The following PDS5A variants were observed in gnomAD, a reference collection of about 807,000 sequenced individuals.
PDS5A encodes PDS5 cohesin associated factor A, also known as sister chromatid cohesion protein PDS5 homolog A.
A neutral mutation model predicts 167.1 loss-of-function variants in PDS5A; 42 were observed. The observed-to-expected ratio is 0.25, with a 90% CI of 0.20 to 0.33. The LOEUF (loss-of-function observed/expected upper bound fraction) is 0.33. PDS5A is among the 10% of genes least tolerant of loss of function. The pLI is 1.00. For synonymous variants in PDS5A, 553 were observed against 554.6 expected (o/e 1.00, Z 0.04); for missense variants, 1,033 against 1,605.9 (o/e 0.64, Z 6.10).
At position 39,845,868 on chromosome 4, in the gene PDS5A, C is replaced by A; in HGVS notation, c.3352G>T (p.Asp1118Tyr). 3 of 1,364,428 alleles carry A rather than the reference C, an allele frequency of 2.2e-6. No individual in the cohort carries two copies. The highest frequency in any genetic ancestry group is 1.7e-5 in the South Asian group (1 of 59,064). The allele number at this position is 1,364,428 out of a possible 1,614,324, so 84.5% of individuals were successfully genotyped here. Residue 1118 changes from aspartate (D) to tyrosine (Y), a missense_variant, in exon 29 of 33, where the codon GAT becomes TAT. By Grantham distance (160) the Asp-to-Tyr change is radical (BLOSUM62 -3). Transcript: ENST00000303538. The part of the protein sequence containing the change: ...FTQPEKDFCN[D>Y]KSYISEETRV... ...GTCTCTTCTGAAATATAACTCTTAT[C>A]GTTACAGAAGTCCTATTAAAAAAAA...
At position 39,823,270 on chromosome 4, in the gene PDS5A, T is replaced by G. The variant is rs1433520205; in HGVS notation, c.*2215A>C. Reference sequence around the variant, plus strand: ...AAGTCCCTCCCCATCAGCTTGGTCTTTCCACAACCCTACTCTTGCTTCCCT... The same window carrying G: ...AAGTCCCTCCCCATCAGCTTGGTCTGTCCACAACCCTACTCTTGCTTCCCT... On this transcript the variant is annotated 3_prime_UTR_variant, in exon 33 of 33. Coordinates refer to ENST00000303538, the MANE Select transcript of PDS5A (RefSeq NM_001100399.2). 2 of 152,236 alleles carry G rather than the reference T, an allele frequency of 1.3e-5. No homozygotes were observed. The highest frequency in any genetic ancestry group is 4.8e-5 in the African/African-American group (2 of 41,448). 9.4% of individuals were successfully genotyped at this position (152,236 alleles called of 1,614,324 possible).
rs980738035 is a variant in PDS5A, at chr4:39,823,426, A to AT, written c.*2058dup. On this transcript the variant is annotated 3_prime_UTR_variant, in exon 33 of 33. Transcript: ENST00000303538. The stretch of plus-strand genomic sequence containing the variant: ...ATATTGATGCAGATGGTTCTGCTAC[A>AT]TTTTATTTAATATGATGTAACACTT... 21 of 152,490 alleles carry AT rather than the reference A, an allele frequency of 1.4e-4. 1 individual carries two copies. The highest frequency in any genetic ancestry group is 1.0e-3 in the Admixed American group (16 of 15,252). The allele number at this position is 152,490 out of a possible 1,614,324, so 9.4% of individuals were successfully genotyped here.
intron 16 of PDS5A, among the ~76,000 whole-genome samples, chr4:39,894,495 A>T (rs58072301): frequency 0.025 from 3,826 of 152,234 alleles, 154 homozygotes; most frequent in East Asian, 0.18. Context: ...GCACATCCAC[A>T]TTCATAGCCC....
chr4:39,959,662 A>ATTT (rs1729294435), intron 2 of PDS5A, among the ~76,000 whole-genome samples: 1 of 152,128 alleles, frequency 6.6e-6, no homozygotes, highest in African/African-American at 2.4e-5. Flanking sequence ...TAACAGAAAA[A>ATTT]CAACACGTAA....
At chr4:39,847,813 A>G (rs1347737157) in intron 28 of PDS5A, 1 of 152,138 alleles carries the variant, frequency 6.6e-6, no homozygotes, top group African/African-American at 2.4e-5. Context: ...AGAATTCTCT[A>G]AGCTAGGGGT....
intron 27 of PDS5A, 94 bp downstream of exon 27, chr4:39,849,426 A>T (rs535559309): frequency 3.9e-6 from 3 of 777,234 alleles, no homozygotes; most frequent in East Asian, 2.5e-5. Flanking sequence ...AATTTAAATT[A>T]CTACGTATGG....
chr4:39,875,490 G>A (rs946668244), intron 19 of PDS5A, among the ~76,000 whole-genome samples: 1 of 152,254 alleles, frequency 6.6e-6, no homozygotes, highest in East Asian at 1.9e-4. Flanking sequence ...ATTTTATAAA[G>A]TTAGTGGCAT....
At chr4:39,946,896 C>T (rs1004818478) in intron 2 of PDS5A, among the ~76,000 whole-genome samples, 1 of 151,626 alleles carries the variant, frequency 6.6e-6, no homozygotes, top group Non-Finnish European at 1.5e-5. Flanking sequence ...CTGGGCGTTG[C>T]AGCAAGACTT....
intron 32 of PDS5A, among the ~76,000 whole-genome samples, chr4:39,833,301 C>A (rs1716093922): frequency 6.7e-6 from 1 of 150,354 alleles, no homozygotes; most frequent in African/African-American, 2.4e-5. Context: ...TCTGGTGAAG[C>A]TTGGGTGGAA....
intron 2 of PDS5A, among the ~76,000 whole-genome samples, chr4:39,939,368 G>A (rs954465203): frequency 6.6e-6 from 1 of 152,170 alleles, no homozygotes; most frequent in African/African-American, 2.4e-5. Flanking sequence ...TCAAGAGAAT[G>A]AGATGGGAGG....
At chr4:39,859,760 A>G (rs997903276) in intron 26 of PDS5A, among the ~76,000 whole-genome samples, 19 of 152,220 alleles carry the variant, frequency 1.2e-4, no homozygotes, top group Non-Finnish European at 2.9e-5. Context: ...GCTCTCCACA[A>G]GTCTGGGAAG....
At chr4:39,842,550 G>T (rs1233714467) in intron 30 of PDS5A, among the ~76,000 whole-genome samples, 1 of 151,952 alleles carries the variant, frequency 6.6e-6, no homozygotes, top group Non-Finnish European at 1.5e-5. Flanking sequence ...TGCTAAAAGT[G>T]GTTTAAAACA....
chr4:39,911,833 A>G (rs1368174676), intron 9 of PDS5A, among the ~76,000 whole-genome samples: 6 of 116,138 alleles, frequency 5.2e-5, no homozygotes, highest in African/African-American at 1.8e-4. Flanking sequence ...CTCCGTCTCA[A>G]TTAAAAAAAA....
Position 39,825,109 on chromosome 4 carries a change from T to C in PDS5A, c.*376A>G, listed in dbSNP as rs1715173548. ...TCAGTGTCAGTGTAAAGACATCTTGTTACTTTCTTTAAAATAAAAACTGCA... is the reference window on the plus strand; with the variant it reads ...TCAGTGTCAGTGTAAAGACATCTTGCTACTTTCTTTAAAATAAAAACTGCA... On this transcript the variant is annotated 3_prime_UTR_variant, in exon 33 of 33. Coordinates refer to ENST00000303538, the MANE Select transcript of PDS5A (RefSeq NM_001100399.2). 1 of 178,508 alleles carries C rather than the reference T, an allele frequency of 5.6e-6. No homozygotes were observed. The highest frequency in any genetic ancestry group is 2.3e-5 in the African/African-American group (1 of 42,554). 11.1% of individuals were successfully genotyped at this position (178,508 alleles called of 1,614,324 possible). A position where few individuals can be genotyped will look rare whatever the true frequency, so the allele number is the denominator to read the frequency against.
chr4:39,959,788 A>G (rs984713790), intron 2 of PDS5A, among the ~76,000 whole-genome samples: 5 of 151,674 alleles, frequency 3.3e-5, no homozygotes, highest in African/African-American at 1.2e-4. Flanking sequence ...AAGCCCGTCT[A>G]TAGTGAAAAT....
chr4:39,975,064 G>A (rs908662725), intron 2 of PDS5A, among the ~76,000 whole-genome samples: 2 of 139,754 alleles, frequency 1.4e-5, no homozygotes, highest in Non-Finnish European at 3.0e-5. Flanking sequence ...GCCGAGACGC[G>A]CCACTGCACT....
In PDS5A at chr4:39,907,595, T is replaced by C. The variant is rs968997623; in HGVS notation, c.1233+800A>G. Among the ~76,000 whole-genome samples the C allele has an allele frequency of 4.6e-5, 7 of 151,632 alleles. No homozygotes were observed. The South Asian group carries it at 6.2e-4, about 14-fold the overall frequency. On this transcript the variant is annotated intron_variant, in intron 11 of 32. Transcript: ENST00000303538. ...TCCATGTTTTCTTTTCTTTTCTTTT[T>C]TTTTTTTTTGAGACAGAGTCTCGCT...
intron 31 of PDS5A, among the ~76,000 whole-genome samples, chr4:39,840,920 A>G (rs1716943451): frequency 6.7e-6 from 1 of 149,336 alleles, no homozygotes; most frequent in Admixed American, 6.7e-5. Flanking sequence ...ATGCCTGGCT[A>G]ATATTTTGTA....
intron 19 of PDS5A, among the ~76,000 whole-genome samples, chr4:39,875,544 A>G (rs1469623661): frequency 1.3e-5 from 2 of 152,210 alleles, no homozygotes; most frequent in Non-Finnish European, 2.9e-5. Context: ...ATGGAAGGCT[A>G]CATATGAAAC....
Sources: gnomAD v4.1 joint callset for allele counts (sites outside exome capture counted in the v4.1 genomes callset) on GRCh38, gnomAD v4.1.1 for gene constraint, MANE v1.5 for transcripts, NCBI Gene and HGNC (gene_info 2026-07-23, HGNC 2026-07-21) for gene names.